Variants in PTCD3 observed in about 807,000 individuals in gnomAD.
PTCD3 encodes the protein pentatricopeptide repeat domain 3.
Under a neutral mutation model 101.9 loss-of-function variants are expected in PTCD3, and 89 were observed. That is an observed-to-expected ratio of 0.87 (90% CI 0.74 to 1.04). PTCD3 has a LOEUF of 1.04. Ranked by LOEUF, PTCD3 falls within the 50% of genes least tolerant of loss-of-function variation. PTCD3 has a pLI of 0.00. For missense variants in PTCD3, 870 were observed against 828.2 expected, an observed-to-expected ratio of 1.05 and a Z score of -0.62; for synonymous variants, 296 against 278.5, an observed-to-expected ratio of 1.06 and a Z score of -0.63.
At position 86,106,274 on chromosome 2, in the gene PTCD3, G is replaced by C. The variant is rs1468225992; in HGVS notation, c.27G>C (p.Trp9Cys). The change falls in exon 1 of 24, where the codon TGG (tryptophan) becomes TGC (cysteine). Residue 9 changes from tryptophan to cysteine, a missense_variant. Transcript: ENST00000254630. Reference sequence around the variant, plus strand: ...TGGCGGTTGTATCTGCTGTTCGCTGGCTGGGCCTCCGCAGCAGGCTTGGCC... The same window carrying C: ...TGGCGGTTGTATCTGCTGTTCGCTGCCTGGGCCTCCGCAGCAGGCTTGGCC... The part of the protein sequence containing the change: MAVVSAVR[W>C]LGLRSRLGQP... 1.2e-5 allele frequency: 20 copies of C among 1,613,896 alleles called. No homozygotes were observed. The highest frequency in any genetic ancestry group is 1.7e-5 in the Non-Finnish European group (20 of 1,179,992).
intron 7 of PTCD3, among the ~76,000 whole-genome samples, chr2:86,120,234 C>A (rs989163032): frequency 2.6e-5 from 4 of 152,092 alleles, no homozygotes; most frequent in Admixed American, 2.0e-4. Context: ...CTAGTTTTAC[C>A]CCCTTTATTG....
intron 14 of PTCD3, among the ~76,000 whole-genome samples, chr2:86,129,329 T>A (rs1281412897): frequency 1.3e-5 from 2 of 152,228 alleles, no homozygotes; most frequent in Non-Finnish European, 2.9e-5. Flanking sequence ...CTGGGGGAGC[T>A]GTGTTGGTTT....
chr2:86,109,123 T>A (rs902632344), intron 3 of PTCD3, among the ~76,000 whole-genome samples: 2 of 152,196 alleles, frequency 1.3e-5, no homozygotes, highest in Non-Finnish European at 2.9e-5. Context: ...AGACTCGGGT[T>A]CGCCAGGCGC....
rs375810767 is a variant in PTCD3, at chr2:86,111,279, G to A, written c.240+121G>A. 76 of 973,276 alleles carry A rather than the reference G, an allele frequency of 7.8e-5. 1 individual carries two copies. The highest frequency in any genetic ancestry group is 2.8e-4 in the Admixed American group (12 of 42,146). 60.3% of individuals were successfully genotyped at this position (973,276 alleles called of 1,614,324 possible). ...ATTACTCAGAATTAAACTGTTGTGCGTCTAGAAAGTTTCTTTAAAATTGTC... is the reference window on the plus strand; with the variant it reads ...ATTACTCAGAATTAAACTGTTGTGCATCTAGAAAGTTTCTTTAAAATTGTC... On this transcript the variant is annotated intron_variant, in intron 4 of 23. Coordinates refer to ENST00000254630, the MANE Select transcript of PTCD3 (RefSeq NM_017952.6).
chr2:86,110,779 T>C (rs928640867), intron 3 of PTCD3, among the ~76,000 whole-genome samples: 1 of 152,114 alleles, frequency 6.6e-6, no homozygotes, highest in African/African-American at 2.4e-5. Flanking sequence ...AAGGCAACAG[T>C]AGTCCCGAAA....
chr2:86,113,244 G>T (rs1674121656), intron 4 of PTCD3, among the ~76,000 whole-genome samples: 1 of 152,182 alleles, frequency 6.6e-6, no homozygotes, highest in South Asian at 2.1e-4. Flanking sequence ...TCATTGACAT[G>T]AAATTTTCTC....
At chr2:86,114,133 CA>C (rs199502834) in intron 4 of PTCD3, among the ~76,000 whole-genome samples, 2,012 of 152,318 alleles carry the variant, frequency 0.013, 21 homozygotes, top group Admixed American at 0.023. Context: ...TCCATTCATT[CA>C]GCAACAATAT....
rs751515097 is a variant in PTCD3 at position 86,137,571 on chromosome 2, C to G, written c.*12C>G. 2.1e-5 allele frequency: 31 copies of G among 1,501,946 alleles called. No individual in the cohort carries two copies. In the Admixed American group the frequency reaches 2.5e-4, roughly 12 times the overall value. 93.0% of individuals were successfully genotyped at this position (1,501,946 alleles called of 1,614,324 possible). On this transcript the variant is annotated 3_prime_UTR_variant, in exon 24 of 24. Coordinates refer to ENST00000254630, the MANE Select transcript of PTCD3 (RefSeq NM_017952.6). Reference sequence around the variant, plus strand: ...GTGAAGGCAAATGAAAGTGGAGATTCAGGAGCAGCAATGGGTCTCACCATA... The same window carrying G: ...GTGAAGGCAAATGAAAGTGGAGATTGAGGAGCAGCAATGGGTCTCACCATA...
intron 12 of PTCD3, among the ~76,000 whole-genome samples, 156 bp downstream of exon 12, chr2:86,126,036 C>T (rs1297830618): frequency 6.6e-6 from 1 of 151,964 alleles, no homozygotes; most frequent in Non-Finnish European, 1.5e-5. Context: ...TGGAGACCAG[C>T]CTGGCCAACA....
intron 1 of PTCD3, chr2:86,107,267 G>A: frequency 2.1e-6 from 1 of 469,706 alleles, no homozygotes; most frequent in South Asian, 1.6e-5. Context: ...CTCAGCATCC[G>A]TTCTCAAAAT....
At position 86,140,246 on chromosome 2, in the gene PTCD3, A is replaced by AG. The variant is rs1674660567; in HGVS notation, c.*2687_*2688insG. The stretch of plus-strand genomic sequence containing the variant: ...TCAAAGCAAAAAAAAAAAAAAAAAA[A>AG]CCAGTTAGCTGCTATATAAACACTA... On this transcript the variant is annotated 3_prime_UTR_variant, in exon 24 of 24. Coordinates refer to ENST00000254630, the MANE Select transcript of PTCD3 (RefSeq NM_017952.6). The AG allele has an allele frequency of 7.1e-6, 1 of 140,536 alleles. No homozygotes were observed. Among genetic ancestry groups the AG allele is most frequent in the Non-Finnish European group, 1.5e-5 (1 of 65,548 alleles). The allele number at this position is 140,536 out of a possible 1,614,324, so 8.7% of individuals were successfully genotyped here. A position where few individuals can be genotyped will look rare whatever the true frequency, so the allele number is the denominator to read the frequency against.
intron 1 of PTCD3, chr2:86,107,078 A>G: frequency 2.1e-6 from 1 of 469,686 alleles, no homozygotes; most frequent in Non-Finnish European, 4.4e-6. Context: ...TAAGTGGGGT[A>G]TGTAATTTAC....
chr2:86,127,522 A>G (rs528951312), intron 13 of PTCD3: 178 of 536,462 alleles, frequency 3.3e-4, no homozygotes, highest in South Asian at 3.3e-3. Flanking sequence ...TTGTTTATGG[A>G]TCTGTTGAAT....
intron 8 of PTCD3, among the ~76,000 whole-genome samples, chr2:86,123,261 TA>T (rs3077184): frequency 0.71 from 101,323 of 142,060 alleles, 37,896 homozygotes; most frequent in Non-Finnish European, 0.83. Context: ...GACTCTGTCT[TA>T]AAAAAAAAAA....
At position 86,139,650 on chromosome 2, in the gene PTCD3, A is replaced by G. The variant is rs1467601117; in HGVS notation, c.*2091A>G. ...ACCCCCCTCCCTACAAAAGATTTTAATAATTAGTTGGGCGTAGTGGTGCAT... is the reference window on the plus strand; with the variant it reads ...ACCCCCCTCCCTACAAAAGATTTTAGTAATTAGTTGGGCGTAGTGGTGCAT... On this transcript the variant is annotated 3_prime_UTR_variant, in exon 24 of 24. Coordinates refer to ENST00000254630, the MANE Select transcript of PTCD3 (RefSeq NM_017952.6). 1 of 152,170 alleles carries G rather than the reference A, an allele frequency of 6.6e-6. No individual in the cohort carries two copies. The highest frequency in any genetic ancestry group is 1.5e-5 in the Non-Finnish European group (1 of 68,074). The allele number at this position is 152,170 out of a possible 1,614,324, so 9.4% of individuals were successfully genotyped here.
At chr2:86,134,489 T>C (rs1003714898) in intron 20 of PTCD3, 112 bp downstream of exon 20, 23 of 838,948 alleles carry the variant, frequency 2.7e-5, no homozygotes, top group Non-Finnish European at 4.2e-5. Flanking sequence ...AAACCCATAT[T>C]TGAGTGATGA....
chr2:86,136,267 G>A (rs1674582782), intron 21 of PTCD3, among the ~76,000 whole-genome samples: 1 of 152,192 alleles, frequency 6.6e-6, no homozygotes, highest in South Asian at 2.1e-4. Flanking sequence ...AGCAAATCTT[G>A]ACATTGGCAG....
chr2:86,115,242 A>T (rs1674158109), intron 4 of PTCD3, among the ~76,000 whole-genome samples: 1 of 152,188 alleles, frequency 6.6e-6, no homozygotes, highest in Non-Finnish European at 1.5e-5. Flanking sequence ...TCTTTTCTGC[A>T]AAATATCAAA....
chr2:86,116,453 C>T, intron 4 of PTCD3, 77 bp from the exon 5 acceptor site: 5 of 1,196,540 alleles, frequency 4.2e-6, no homozygotes, highest in Non-Finnish European at 6.2e-6. Context: ...AGGAGAATCC[C>T]TTGAGTCCAG....
Sources: allele counts gnomAD v4.1 joint callset (sites outside exome capture counted in the v4.1 genomes callset), GRCh38; gene constraint gnomAD v4.1.1; transcripts MANE v1.5; gene names NCBI Gene and HGNC (gene_info 2026-07-23, HGNC 2026-07-21).